CEP63: variants seen among roughly 807,000 people sequenced by gnomAD.
CEP63 encodes centrosomal protein 63.
A neutral mutation model predicts 89.1 loss-of-function variants in CEP63; 84 were observed. The ratio of observed to expected loss-of-function variants is 0.94; its 90% confidence interval spans 0.79 to 1.13. CEP63 has a LOEUF of 1.13. CEP63 is among the 50% of genes most tolerant of loss of function. CEP63 has a pLI of 0.00. For missense variants in CEP63, 838 were observed against 813.3 expected (o/e 1.03, Z -0.37); for synonymous variants, 267 against 272.5 (o/e 0.98, Z 0.20).
At chr3:134,716,497 G>T in the CEP63 span, among the ~76,000 whole-genome samples, 2 of 152,116 alleles carry the variant, frequency 1.3e-5, no homozygotes, top group African/African-American at 4.8e-5. Flanking sequence ...GTGGATATTT[G>T]GCGGCTCATG....
At chr3:134,543,917 C>T (rs1952604428) in intron 6 of CEP63, among the ~76,000 whole-genome samples, 1 of 151,552 alleles carries the variant, frequency 6.6e-6, no homozygotes, top group Non-Finnish European at 1.5e-5. Flanking sequence ...GAATCTAAAC[C>T]TAAATGTTGA....
chr3:134,624,952 A>C, the CEP63 span: 2 of 1,031,558 alleles, frequency 1.9e-6, no homozygotes, highest in Non-Finnish European at 3.0e-6. Flanking sequence ...CAACCAAGCC[A>C]CTCAGGATAT....
the CEP63 span, chr3:134,610,601 A>C: frequency 1.9e-6 from 1 of 514,416 alleles, no homozygotes; most frequent in Non-Finnish European, 3.4e-6. Flanking sequence ...GTTGGTACAG[A>C]CTGGCTGCAG....
At chr3:134,677,370 C>A in the CEP63 span, among the ~76,000 whole-genome samples, 8 of 152,348 alleles carry the variant, frequency 5.3e-5, 2 homozygotes, top group African/African-American at 1.9e-4. Flanking sequence ...CATGTGTTTA[C>A]CTCTGAACCC....
intron 9 of CEP63, among the ~76,000 whole-genome samples, 157 bp downstream of exon 9, chr3:134,547,629 T>TTTTTTTTTTTTTTTTTTA (rs1953800413): frequency 1.6e-5 from 2 of 127,172 alleles, no homozygotes; most frequent in African/African-American, 2.9e-5. Flanking sequence ...TTTTTTTTTT[T>TTTTTTTTTTTTTTTTTTA]GAGACGGAGT....
chr3:134,747,709 G>A, the CEP63 span, among the ~76,000 whole-genome samples: 48 of 152,126 alleles, frequency 3.2e-4, no homozygotes, highest in African/African-American at 1.1e-3. Flanking sequence ...CTGGAAGAAA[G>A]GGGGGGAGAG....
chr3:134,688,705 T>A, the CEP63 span, among the ~76,000 whole-genome samples: 4 of 152,192 alleles, frequency 2.6e-5, no homozygotes, highest in African/African-American at 9.6e-5. Flanking sequence ...AAGAAGGGTT[T>A]CTGCACAAGA....
chr3:134,642,797 C>T, the CEP63 span, among the ~76,000 whole-genome samples: 21 of 152,212 alleles, frequency 1.4e-4, no homozygotes, highest in African/African-American at 4.8e-4. Context: ...TGAAGGTTAA[C>T]AGCTGAGGCC....
At chr3:134,665,642 G>C in the CEP63 span, among the ~76,000 whole-genome samples, 1 of 149,326 alleles carries the variant, frequency 6.7e-6, no homozygotes, top group Admixed American at 6.7e-5. Context: ...GAGAGAGAGG[G>C]GAAACAGAGG....
chr3:134,680,018 C>A, the CEP63 span, among the ~76,000 whole-genome samples: 1 of 152,190 alleles, frequency 6.6e-6, no homozygotes, highest in African/African-American at 2.4e-5. Context: ...AGCCACCATA[C>A]CTGGCCAACT....
At chr3:134,594,297 G>A in the CEP63 span, among the ~76,000 whole-genome samples, 1 of 152,004 alleles carries the variant, frequency 6.6e-6, no homozygotes, top group Admixed American at 6.5e-5. Context: ...TCACAGTTGT[G>A]GCTGCCCCTC....
chr3:134,594,331 C>G, the CEP63 span, among the ~76,000 whole-genome samples: 1 of 152,188 alleles, frequency 6.6e-6, no homozygotes, highest in African/African-American at 2.4e-5. Context: ...CCAGCCTCTC[C>G]ATAGCTGCCC....
chr3:134,747,543 G>C, the CEP63 span, among the ~76,000 whole-genome samples: 2 of 152,168 alleles, frequency 1.3e-5, no homozygotes, highest in Non-Finnish European at 1.5e-5. Context: ...CCTGATTTTG[G>C]TTGCAGCTGT....
the CEP63 span, among the ~76,000 whole-genome samples, chr3:134,756,100 G>A: frequency 6.6e-6 from 1 of 152,218 alleles, no homozygotes; most frequent in Non-Finnish European, 1.5e-5. Context: ...CCCAGCCCGA[G>A]CAGGGCACTC....
At chr3:134,706,813 C>G in the CEP63 span, among the ~76,000 whole-genome samples, 11 of 152,182 alleles carry the variant, frequency 7.2e-5, no homozygotes, top group African/African-American at 2.7e-4. Flanking sequence ...TCTGGTGGCT[C>G]CAGCAATCCA....
downstream of CEP63, among the ~76,000 whole-genome samples, chr3:134,588,748 C>T (rs1379054680): frequency 6.6e-6 from 1 of 151,804 alleles, no homozygotes; most frequent in Admixed American, 6.6e-5. Context: ...AATGAATGTT[C>T]AATAGAGAAA....
rs779969303 is a variant in CEP63 at position 134,510,404 on chromosome 3, G to C, written c.222+3118G>C. Reference sequence around the variant, plus strand: ...TCTAACACCTGCAATCCACCAGTCTGCATGGACTGTAAGCAGGTATGGAGA... The same window carrying C: ...TCTAACACCTGCAATCCACCAGTCTCCATGGACTGTAAGCAGGTATGGAGA... On this transcript the variant is annotated intron_variant, in intron 3 of 14. Coordinates refer to ENST00000675561, the MANE Select transcript of CEP63 (RefSeq NM_001353108.3). 22 of 210,784 alleles carry C rather than the reference G, an allele frequency of 1.0e-4. 1 individual carries two copies. The Middle Eastern group carries it at 0.012, about 111-fold the overall frequency. 13.1% of individuals were successfully genotyped at this position (210,784 alleles called of 1,614,324 possible). A position where few individuals can be genotyped will look rare whatever the true frequency, so the allele number is the denominator to read the frequency against.
At chr3:134,649,037 TG>T in the CEP63 span, among the ~76,000 whole-genome samples, 1 of 152,230 alleles carries the variant, frequency 6.6e-6, no homozygotes. Flanking sequence ...AGGCTGGCTT[TG>T]CCTGGGGTCT....
the CEP63 span, among the ~76,000 whole-genome samples, chr3:134,724,861 T>C: frequency 0.21 from 32,628 of 152,164 alleles, 3,672 homozygotes; most frequent in African/African-American, 0.28. Context: ...AAAAACTTGA[T>C]AAAAGTTCTC....
Sources: gnomAD v4.1 joint callset for allele counts (sites outside exome capture counted in the v4.1 genomes callset) on GRCh38, gnomAD v4.1.1 for gene constraint, MANE v1.5 for transcripts, NCBI Gene and HGNC (gene_info 2026-07-23, HGNC 2026-07-21) for gene names.